TNNI3K: variants seen among roughly 807,000 people sequenced by gnomAD.
TNNI3K encodes serine/threonine-protein kinase TNNI3K.
A neutral mutation model predicts 114.5 loss-of-function variants in TNNI3K; 140 were observed. The observed-to-expected ratio is 1.22, with a 90% CI of 1.07 to 1.41. The LOEUF (loss-of-function observed/expected upper bound fraction) is 1.41. TNNI3K is among the 40% of genes most tolerant of loss of function. The pLI is 0.00. For missense variants in TNNI3K, 1,125 were observed against 1,007.6 expected, an observed-to-expected ratio of 1.12 and a Z score of -1.58; for synonymous variants, 347 against 347.5, an observed-to-expected ratio of 1.00 and a Z score of 0.02.
At position 74,544,161 on chromosome 1, in the gene TNNI3K, G is replaced by A; in HGVS notation, c.*179G>A. 1.8e-6 allele frequency: 1 copy of A among 571,232 alleles called. No homozygotes were observed. The highest frequency in any genetic ancestry group is 2.9e-6 in the Non-Finnish European group (1 of 343,048). The allele number at this position is 571,232 out of a possible 1,614,324, so 35.4% of individuals were successfully genotyped here. A position where few individuals can be genotyped will look rare whatever the true frequency, so the allele number is the denominator to read the frequency against. On this transcript the variant is annotated 3_prime_UTR_variant, in exon 25 of 25. Coordinates refer to ENST00000326637, the MANE Select transcript of TNNI3K (RefSeq NM_015978.3). ...TAGCAGGCTTTGGATTTGTGCCTAA[G>A]GAATAATATGCAAAAGAACCAAGAC...
At chr1:74,317,386 C>G (rs1044993521) in intron 5 of TNNI3K, among the ~76,000 whole-genome samples, 1 of 152,188 alleles carries the variant, frequency 6.6e-6, no homozygotes, top group African/African-American at 2.4e-5. Context: ...AATATTAACT[C>G]TCAATCTTTA....
At chr1:74,431,720 G>C (rs957910748) in intron 17 of TNNI3K, among the ~76,000 whole-genome samples, 3 of 152,074 alleles carry the variant, frequency 2.0e-5, no homozygotes, top group Admixed American at 2.0e-4. Flanking sequence ...ATAAAGCAGC[G>C]TGATCAAAAG....
rs189119220 is a variant in TNNI3K, at chr1:74,277,391, A to G, written c.444+5683A>G. ...TCTGTTTATTGCTATAACACAGCTT[A>G]TACCCACAAGACACAAAAAAAGTAT... On this transcript the variant is annotated intron_variant, in intron 5 of 24. Transcript: ENST00000326637. Among the ~76,000 whole-genome samples the G allele has an allele frequency of 1.6e-4, 25 of 152,332 alleles. 1 individual carries two copies. The highest frequency in any genetic ancestry group is 6.0e-4 in the African/African-American group (25 of 41,588).
At chr1:74,317,930 G>T (rs1277986272) in intron 5 of TNNI3K, among the ~76,000 whole-genome samples, 1 of 152,076 alleles carries the variant, frequency 6.6e-6, no homozygotes, top group Non-Finnish European at 1.5e-5. Context: ...TTCTTTCTTT[G>T]CACAGTTTTC....
chr1:74,418,236 A>C (rs1197987712), intron 17 of TNNI3K: 2 of 448,670 alleles, frequency 4.5e-6, no homozygotes, highest in Non-Finnish European at 8.9e-6. Context: ...GCAGTGCATC[A>C]GAAAGAGCAG....
intron 5 of TNNI3K, among the ~76,000 whole-genome samples, chr1:74,301,062 ATG>A (rs1356845970): frequency 1.3e-5 from 2 of 152,170 alleles, no homozygotes; most frequent in African/African-American, 4.8e-5. Context: ...GGATATGACT[ATG>A]TATAAAATAC....
intron 10 of TNNI3K, 65 bp from the exon 11 acceptor site, chr1:74,353,915 T>C (rs1463839433): frequency 6.5e-7 from 1 of 1,547,788 alleles, no homozygotes; most frequent in African/African-American, 1.4e-5. Flanking sequence ...ATGACTGTCT[T>C]TTGAAAATTG....
In TNNI3K at chr1:74,394,454, G is replaced by A. The variant is rs60152524; in HGVS notation, c.1772+24062G>A. ...CAGTGGTCCATTTCCAAGACAAAGTGCCTTGAATAGGCTTAAGTCAGCAAA... is the reference window on the plus strand; with the variant it reads ...CAGTGGTCCATTTCCAAGACAAAGTACCTTGAATAGGCTTAAGTCAGCAAA... On this transcript the variant is annotated intron_variant, in intron 17 of 24. Coordinates refer to ENST00000326637, the MANE Select transcript of TNNI3K (RefSeq NM_015978.3). Among the ~76,000 whole-genome samples the A allele has an allele frequency of 1.2e-3, 177 of 152,246 alleles. 1 individual carries two copies. The highest frequency in any genetic ancestry group is 4.0e-3 in the African/African-American group (167 of 41,552).
At chr1:74,354,451 A>G (rs1661552239) in intron 11 of TNNI3K, among the ~76,000 whole-genome samples, 1 of 151,512 alleles carries the variant, frequency 6.6e-6, no homozygotes, top group African/African-American at 2.4e-5. Flanking sequence ...TTTATCTCTT[A>G]TATGGGGGAA....
At chr1:74,454,094 A>G (rs1216466738) in intron 20 of TNNI3K, among the ~76,000 whole-genome samples, 1 of 152,152 alleles carries the variant, frequency 6.6e-6, no homozygotes, top group Non-Finnish European at 1.5e-5. Flanking sequence ...TATTATGGAT[A>G]CATAATAATT....
chr1:74,525,035 G>A (rs1469978211), intron 23 of TNNI3K, among the ~76,000 whole-genome samples: 1 of 152,132 alleles, frequency 6.6e-6, no homozygotes, highest in Non-Finnish European at 1.5e-5. Flanking sequence ...CTATGAGCTG[G>A]ACACTGGGGA....
chr1:74,486,669 G>C (rs1028923283), intron 21 of TNNI3K, among the ~76,000 whole-genome samples: 1 of 151,702 alleles, frequency 6.6e-6, no homozygotes, highest in African/African-American at 2.4e-5. Context: ...ACATAAGACT[G>C]AATTAACTCC....
chr1:74,294,996 T>C (rs1299793774), intron 5 of TNNI3K, among the ~76,000 whole-genome samples: 1 of 151,996 alleles, frequency 6.6e-6, no homozygotes, highest in African/African-American at 2.4e-5. Context: ...TTTTTTATTG[T>C]TTAATATTTA....
intron 4 of TNNI3K, among the ~76,000 whole-genome samples, chr1:74,258,879 T>C (rs925306419): frequency 2.6e-5 from 4 of 152,218 alleles, no homozygotes; most frequent in African/African-American, 7.2e-5. Context: ...TTTAAATTGG[T>C]ACATCTAGGG....
At chr1:74,338,023 G>C (rs1406782945) in intron 7 of TNNI3K, among the ~76,000 whole-genome samples, 1 of 151,746 alleles carries the variant, frequency 6.6e-6, no homozygotes, top group Non-Finnish European at 1.5e-5. Flanking sequence ...ACGTCTTTTT[G>C]TGGACATATA....
chr1:74,502,653 T>C (rs1294357939), intron 23 of TNNI3K, among the ~76,000 whole-genome samples: 2 of 152,198 alleles, frequency 1.3e-5, no homozygotes, highest in African/African-American at 4.8e-5. Context: ...TAGTGGAACA[T>C]ACTTCCCTCT....
At chr1:74,518,339 C>G (rs1275544345) in intron 23 of TNNI3K, among the ~76,000 whole-genome samples, 1 of 152,124 alleles carries the variant, frequency 6.6e-6, no homozygotes, top group Non-Finnish European at 1.5e-5. Context: ...TTCCACATAG[C>G]CTCTTACTGT....
At chr1:74,531,760 A>C (rs186385925) in intron 23 of TNNI3K, among the ~76,000 whole-genome samples, 44 of 152,330 alleles carry the variant, frequency 2.9e-4, no homozygotes, top group Non-Finnish European at 4.3e-4. Flanking sequence ...TTTTGAGTAT[A>C]AGAGATAACT....
chr1:74,501,284 T>G (rs551863758), intron 23 of TNNI3K, among the ~76,000 whole-genome samples: 39 of 152,322 alleles, frequency 2.6e-4, no homozygotes, highest in Non-Finnish European at 1.3e-4. Context: ...CATTTCTAAT[T>G]CAATTTATTT....
Sources: allele counts gnomAD v4.1 joint callset (sites outside exome capture counted in the v4.1 genomes callset), GRCh38; gene constraint gnomAD v4.1.1; transcripts MANE v1.5; gene names NCBI Gene and HGNC (gene_info 2026-07-23, HGNC 2026-07-21).